The following ACVR1C variants were observed in gnomAD, a reference collection of about 807,000 sequenced individuals.
ACVR1C encodes activin A receptor type 1C.
ACVR1C carries 23 observed loss-of-function variants against 57.9 expected under a neutral mutation model. The ratio of observed to expected loss-of-function variants is 0.40; its 90% confidence interval spans 0.29 to 0.56. The LOEUF (loss-of-function observed/expected upper bound fraction) is 0.56, where lower values mean the gene tolerates loss of function less well. Among genes scored for constraint, ACVR1C ranks in the 20% least tolerant of loss-of-function variants. ACVR1C has a pLI of 0.50. For synonymous variants in ACVR1C, 214 were observed against 215.3 expected, an observed-to-expected ratio of 0.99 and a Z score of 0.05; for missense variants, 480 against 607.9, an observed-to-expected ratio of 0.79 and a Z score of 2.21.
chr2:157,538,305 G>A (rs763200415), intron 8 of ACVR1C, among the ~76,000 whole-genome samples: 9 of 152,186 alleles, frequency 5.9e-5, no homozygotes, highest in Non-Finnish European at 1.0e-4. Context: ...GTGCCATGGA[G>A]AGTTGCCTAA....
intron 2 of ACVR1C, among the ~76,000 whole-genome samples, chr2:157,573,427 A>G (rs969733057): frequency 1.3e-5 from 2 of 152,240 alleles, no homozygotes; most frequent in Non-Finnish European, 2.9e-5. Flanking sequence ...TGGCATTATT[A>G]AAATAGTATA....
chr2:157,580,101 G>T (rs751884256), intron 2 of ACVR1C, among the ~76,000 whole-genome samples: 1 of 150,504 alleles, frequency 6.6e-6, no homozygotes, highest in East Asian at 2.0e-4. Flanking sequence ...ACGCGCGCAC[G>T]CACACACGTG....
chr2:157,601,815 G>A (rs2105140581), intron 1 of ACVR1C, among the ~76,000 whole-genome samples: 1 of 152,254 alleles, frequency 6.6e-6, no homozygotes, highest in South Asian at 2.1e-4. Flanking sequence ...CACTGATGAA[G>A]TAGGGATAAT....
rs1443121517 is a variant in ACVR1C, at chr2:157,530,058, T to A, written c.*3860A>T. The A allele has an allele frequency of 6.6e-6, 1 of 152,112 alleles. No homozygotes were observed. The highest frequency in any genetic ancestry group is 1.5e-5 in the Non-Finnish European group (1 of 67,978). The allele number at this position is 152,112 out of a possible 1,614,324, so 9.4% of individuals were successfully genotyped here. A position where few individuals can be genotyped will look rare whatever the true frequency, so the allele number is the denominator to read the frequency against. On this transcript the variant is annotated 3_prime_UTR_variant, in exon 9 of 9. Coordinates refer to ENST00000243349, the MANE Select transcript of ACVR1C (RefSeq NM_145259.3). ...CAGAAATAGTATGTTTCACAAAAGA[T>A]GTTTAAAATATCTTTGAAAACCACA...
In ACVR1C at chr2:157,532,101, T is replaced by C. The variant is rs1558965226; in HGVS notation, c.*1817A>G. 1 of 152,164 alleles carries C rather than the reference T, an allele frequency of 6.6e-6. No homozygotes were observed. Among genetic ancestry groups the C allele is most frequent in the Non-Finnish European group, 1.5e-5 (1 of 68,010 alleles). The allele number at this position is 152,164 out of a possible 1,614,324, so 9.4% of individuals were successfully genotyped here. On this transcript the variant is annotated 3_prime_UTR_variant, in exon 9 of 9. Coordinates refer to ENST00000243349, the MANE Select transcript of ACVR1C (RefSeq NM_145259.3). ...ACTCCATAGCTGTCAGTTTTTTGCC[T>C]TCCTTATTTCAACTCAGTAAAATGA... is the stretch of plus-strand genomic sequence containing the variant.
chr2:157,604,788 G>C (rs1440766616), intron 1 of ACVR1C, among the ~76,000 whole-genome samples: 3 of 151,592 alleles, frequency 2.0e-5, no homozygotes, highest in African/African-American at 4.8e-5. Flanking sequence ...ATATTTTTTG[G>C]ATACAAGTGC....
At chr2:157,545,945 TTTTA>T (rs1194002650) in intron 4 of ACVR1C, among the ~76,000 whole-genome samples, 1 of 152,016 alleles carries the variant, frequency 6.6e-6, no homozygotes, top group African/African-American at 2.4e-5. Flanking sequence ...CAGCTAATTT[TTTTA>T]TTTTTTATTT....
intron 4 of ACVR1C, among the ~76,000 whole-genome samples, 165 bp downstream of exon 4, chr2:157,549,997 C>T (rs55680539): frequency 1.8e-4 from 15 of 82,092 alleles, no homozygotes; most frequent in Middle Eastern, 0.015. Flanking sequence ...AGCCAGATTA[C>T]GTCTCAAAAA....
intron 2 of ACVR1C, among the ~76,000 whole-genome samples, chr2:157,558,062 T>C (rs913341093): frequency 6.6e-6 from 1 of 152,174 alleles, no homozygotes; most frequent in Non-Finnish European, 1.5e-5. Flanking sequence ...TGATAGACTA[T>C]GGGAGCAGAG....
intron 1 of ACVR1C, among the ~76,000 whole-genome samples, chr2:157,602,680 A>T (rs890248559): frequency 6.6e-6 from 1 of 152,188 alleles, no homozygotes; most frequent in Non-Finnish European, 1.5e-5. Flanking sequence ...AGTAATATTT[A>T]TTTAGGTTGG....
Position 157,532,292 on chromosome 2 carries a change from A to C in ACVR1C, c.*1626T>G, listed in dbSNP as rs1401635423. ...TAGTAAAAAGTTTCCCCTCCTCTTA[A>C]TAAAAGGGTTCCACCACGATCAGGT... is the stretch of plus-strand genomic sequence containing the variant. On this transcript the variant is annotated 3_prime_UTR_variant, in exon 9 of 9. Coordinates refer to ENST00000243349, the MANE Select transcript of ACVR1C (RefSeq NM_145259.3). 6.6e-6 allele frequency: 1 copy of C among 152,034 alleles called. No homozygotes were observed. Among genetic ancestry groups the C allele is most frequent in the Non-Finnish European group, 1.5e-5 (1 of 67,970 alleles). 9.4% of individuals were successfully genotyped at this position (152,034 alleles called of 1,614,324 possible). A position where few individuals can be genotyped will look rare whatever the true frequency, so the allele number is the denominator to read the frequency against.
intron 3 of ACVR1C, among the ~76,000 whole-genome samples, chr2:157,554,211 GAAAGAAAGA>G (rs1688002970): frequency 1.5e-5 from 1 of 68,350 alleles, no homozygotes; most frequent in South Asian, 4.2e-4. Context: ...GAGAAAGAAA[GAAAGAAAGA>G]AAGAAAGAAA....
intron 1 of ACVR1C, among the ~76,000 whole-genome samples, chr2:157,612,506 C>T (rs1156241786): frequency 6.6e-6 from 1 of 152,206 alleles, no homozygotes; most frequent in Non-Finnish European, 1.5e-5. Context: ...GCTCACCCAC[C>T]TCAGCTCCCA....
chr2:157,537,117 C>A (rs560757026), intron 8 of ACVR1C, among the ~76,000 whole-genome samples: 1 of 151,890 alleles, frequency 6.6e-6, no homozygotes, highest in East Asian at 1.9e-4. Flanking sequence ...GTTTCAATCA[C>A]GTAAGTTTCA....
Position 157,542,918 on chromosome 2 carries a change from G to A in ACVR1C, c.944-56C>T, listed in dbSNP as rs541144252. The A allele has an allele frequency of 3.1e-4, 479 of 1,536,526 alleles. 3 individuals are homozygous for A. The Middle Eastern group carries it at 6.9e-3, about 22-fold the overall frequency. On this transcript the variant is annotated intron_variant, in intron 5 of 8. Coordinates refer to ENST00000243349, the MANE Select transcript of ACVR1C (RefSeq NM_145259.3). Reference sequence around the variant, plus strand: ...TTTCTTTACCGGAGACTGTTCAAGAGAAATCATCCTGAAGACTTAGCTCAA... The same window carrying A: ...TTTCTTTACCGGAGACTGTTCAAGAAAAATCATCCTGAAGACTTAGCTCAA...
intron 2 of ACVR1C, among the ~76,000 whole-genome samples, chr2:157,560,460 G>C (rs1330188135): frequency 6.6e-6 from 1 of 152,194 alleles, no homozygotes; most frequent in East Asian, 1.9e-4. Context: ...GTGGCCATTT[G>C]CTGACTAGAG....
At chr2:157,546,300 CA>C (rs1687753761) in intron 4 of ACVR1C, among the ~76,000 whole-genome samples, 1 of 152,136 alleles carries the variant, frequency 6.6e-6, no homozygotes, top group African/African-American at 2.4e-5. Flanking sequence ...TATGTATTTA[CA>C]AATTTGGAAA....
chr2:157,597,136 C>T lies in ACVR1C; in HGVS notation c.74-9719G>A, dbSNP rs975809455. On this transcript the variant is annotated intron_variant, in intron 1 of 8. Transcript: ENST00000243349. ...TAGTCCTCCAAGACGGTCCAGACAG[C>T]ACCCACCAGCCTGAGGAAACCGCGG... Among the ~76,000 whole-genome samples the T allele has an allele frequency of 3.9e-5, 6 of 152,188 alleles. No homozygotes were observed. The East Asian group carries it at 1.2e-3, about 29-fold the overall frequency.
chr2:157,573,120 T>G (rs1464589051), intron 2 of ACVR1C, among the ~76,000 whole-genome samples: 2 of 152,198 alleles, frequency 1.3e-5, no homozygotes, highest in Non-Finnish European at 2.9e-5. Flanking sequence ...TAATTACAGT[T>G]TGCTTTAAAA....
Sources: allele counts gnomAD v4.1 joint callset (sites outside exome capture counted in the v4.1 genomes callset), GRCh38; gene constraint gnomAD v4.1.1; transcripts MANE v1.5; gene names NCBI Gene and HGNC (gene_info 2026-07-23, HGNC 2026-07-21).